CSGALNACT1: variants seen among roughly 807,000 people sequenced by gnomAD.
CSGALNACT1 encodes the protein chondroitin sulfate N-acetylgalactosaminyltransferase 1, also known as beta4GalNAcT-1.
Under a neutral mutation model 51.0 loss-of-function variants are expected in CSGALNACT1, and 52 were observed. The observed-to-expected ratio is 1.02, with a 90% CI of 0.82 to 1.29. The LOEUF is 1.29. CSGALNACT1 is among the 50% of genes most tolerant of loss of function. The probability of loss-of-function intolerance (pLI) is 0.00; values close to 1 mark genes in which losing one functional copy is unlikely to be tolerated. For missense variants in CSGALNACT1, 935 were observed against 679.2 expected, an observed-to-expected ratio of 1.38 and a Z score of -4.19; for synonymous variants, 341 against 254.4, an observed-to-expected ratio of 1.34 and a Z score of -3.24.
intron 4 of CSGALNACT1, among the ~76,000 whole-genome samples, chr8:19,494,109 T>C (rs191251721): frequency 5.1e-4 from 77 of 152,332 alleles, no homozygotes; most frequent in African/African-American, 1.7e-3. Context: ...ACAAAATGCA[T>C]AGTAATCTTG....
intron 4 of CSGALNACT1, among the ~76,000 whole-genome samples, chr8:19,463,693 A>G (rs1020399247): frequency 1.5e-4 from 23 of 152,170 alleles, no homozygotes; most frequent in African/African-American, 4.3e-4. Context: ...AGGACTTTGG[A>G]GCTAGCTTAG....
intron 4 of CSGALNACT1, among the ~76,000 whole-genome samples, chr8:19,503,888 G>T (rs921299063): frequency 2.0e-5 from 3 of 151,628 alleles, no homozygotes; most frequent in Non-Finnish European, 4.4e-5. Flanking sequence ...TCAACTTATG[G>T]TTCACTTATC....
intron 1 of CSGALNACT1, among the ~76,000 whole-genome samples, chr8:19,636,385 A>T (rs372801011): frequency 2.0e-5 from 3 of 152,094 alleles, no homozygotes; most frequent in African/African-American, 4.8e-5. Context: ...CAGGCATCCA[A>T]TGAGAATCTG....
chr8:19,628,140 T>C lies in CSGALNACT1; in HGVS notation c.-543-26275A>G, dbSNP rs559913522. ...TAAGTCCTTACACCTTTGCAGTAGA[T>C]ACTGTTGTATTAGTCAGTTCTCACA... On this transcript the variant is annotated intron_variant, in intron 1 of 9. Coordinates refer to the CSGALNACT1 transcript ENST00000332246. Among the ~76,000 whole-genome samples the C allele has an allele frequency of 2.1e-3, 316 of 152,300 alleles. 1 individual carries two copies. Among genetic ancestry groups the C allele is most frequent in the Non-Finnish European group, 3.8e-3 (256 of 68,020 alleles).
chr8:19,542,576 A>C (rs2085463441), intron 3 of CSGALNACT1, among the ~76,000 whole-genome samples: 1 of 152,178 alleles, frequency 6.6e-6, no homozygotes, highest in African/African-American at 2.4e-5. Flanking sequence ...TGGAGTTACC[A>C]AAACAAGAGA....
chr8:19,535,066 C>G (rs571144012), intron 3 of CSGALNACT1, among the ~76,000 whole-genome samples: 13 of 152,100 alleles, frequency 8.5e-5, no homozygotes, highest in Non-Finnish European at 1.6e-4. Flanking sequence ...GAAAGAAAAG[C>G]AAAGGCTTAA....
chr8:19,569,986 G>A (rs1318379816), intron 3 of CSGALNACT1, among the ~76,000 whole-genome samples: 1 of 152,090 alleles, frequency 6.6e-6, no homozygotes, highest in African/African-American at 2.4e-5. Flanking sequence ...TGAAGTTCAA[G>A]AGCAGGCAAA....
intron 4 of CSGALNACT1, among the ~76,000 whole-genome samples, chr8:19,485,116 C>A (rs2072540556): frequency 6.6e-6 from 1 of 152,172 alleles, no homozygotes; most frequent in Admixed American, 6.5e-5. Flanking sequence ...CCAATGATGG[C>A]CACCATCAGT....
intron 1 of CSGALNACT1, among the ~76,000 whole-genome samples, chr8:19,688,557 A>G (rs747277845): frequency 6.6e-6 from 1 of 152,176 alleles, no homozygotes; most frequent in African/African-American, 2.4e-5. Flanking sequence ...TCCAGAAATT[A>G]TGTCACATAC....
At chr8:19,414,965 C>T (rs2056579056) in intron 8 of CSGALNACT1, among the ~76,000 whole-genome samples, 1 of 152,142 alleles carries the variant, frequency 6.6e-6, no homozygotes, top group East Asian at 1.9e-4. Context: ...CATCTTCTCC[C>T]CACCTAAATA....
chr8:19,540,946 C>T (rs1287683025), intron 3 of CSGALNACT1, among the ~76,000 whole-genome samples: 1 of 152,216 alleles, frequency 6.6e-6, no homozygotes, highest in Admixed American at 6.5e-5. Flanking sequence ...GTTCTCTCAA[C>T]ACTCTCCAAG....
At chr8:19,510,631 C>G (rs191900438) in intron 3 of CSGALNACT1, among the ~76,000 whole-genome samples, 1 of 152,102 alleles carries the variant, frequency 6.6e-6, no homozygotes, top group Non-Finnish European at 1.5e-5. Context: ...CAGACAAATA[C>G]CATTAAAATA....
At chr8:19,643,204 T>C (rs1210860751) in intron 1 of CSGALNACT1, among the ~76,000 whole-genome samples, 2 of 152,174 alleles carry the variant, frequency 1.3e-5, no homozygotes, top group Admixed American at 6.5e-5. Flanking sequence ...AAATTAAACA[T>C]TAAAAAATAA....
intron 3 of CSGALNACT1, among the ~76,000 whole-genome samples, chr8:19,564,037 G>A (rs1212853905): frequency 6.6e-6 from 1 of 152,126 alleles, no homozygotes; most frequent in Admixed American, 6.5e-5. Flanking sequence ...CCACCACTGA[G>A]CACTGCCCTG....
intron 1 of CSGALNACT1, among the ~76,000 whole-genome samples, chr8:19,609,621 T>A (rs1161180679): frequency 6.6e-6 from 1 of 151,448 alleles, no homozygotes; most frequent in Non-Finnish European, 1.5e-5. Flanking sequence ...TCATATACAA[T>A]TCCAGCACAT....
chr8:19,688,347 T>TA (rs761315333), intron 1 of CSGALNACT1, among the ~76,000 whole-genome samples: 19 of 151,518 alleles, frequency 1.3e-4, no homozygotes, highest in Non-Finnish European at 1.3e-4. Flanking sequence ...ATTGATTCTG[T>TA]AAAAAAAAAT....
At chr8:19,492,935 C>G (rs1421734034) in intron 4 of CSGALNACT1, among the ~76,000 whole-genome samples, 1 of 151,882 alleles carries the variant, frequency 6.6e-6, no homozygotes, top group East Asian at 1.9e-4. Context: ...TGTGCCCTGC[C>G]TCGCCTGTCC....
At chr8:19,519,454 C>T (rs944829092) in intron 3 of CSGALNACT1, among the ~76,000 whole-genome samples, 3 of 152,168 alleles carry the variant, frequency 2.0e-5, no homozygotes, top group African/African-American at 7.2e-5. Flanking sequence ...GAGAATTAAA[C>T]AACACCAGCA....
At chr8:19,647,225 G>T (rs2057362220) in intron 1 of CSGALNACT1, among the ~76,000 whole-genome samples, 2 of 152,048 alleles carry the variant, frequency 1.3e-5, no homozygotes, top group African/African-American at 4.8e-5. Flanking sequence ...TATCCAACAA[G>T]TATTTCCTGA....
Sources: gnomAD v4.1 joint callset for allele counts (sites outside exome capture counted in the v4.1 genomes callset) on GRCh38, gnomAD v4.1.1 for gene constraint, MANE v1.5 for transcripts, NCBI Gene and HGNC (gene_info 2026-07-23, HGNC 2026-07-21) for gene names.